Variants in METTL8 observed in about 807,000 individuals in gnomAD.
The protein encoded by METTL8 is tRNA N(3)-cytidine methyltransferase METTL8, mitochondrial.
Under a neutral mutation model 48.7 loss-of-function variants are expected in METTL8, and 32 were observed. That is an observed-to-expected ratio of 0.66 (90% confidence interval 0.50 to 0.88). The LOEUF (loss-of-function observed/expected upper bound fraction) is 0.88. Among genes scored for constraint, METTL8 ranks in the 40% least tolerant of loss-of-function variants. The pLI, the probability that METTL8 is intolerant of heterozygous loss-of-function variation, is 0.00. For missense variants in METTL8, 464 were observed against 474.4 expected (o/e 0.98, Z 0.20); for synonymous variants, 136 against 157.1 (o/e 0.87, Z 1.01).
chr2:171,386,024 C>T (rs1163726833), intron 2 of METTL8, among the ~76,000 whole-genome samples: 3 of 152,160 alleles, frequency 2.0e-5, no homozygotes, highest in Non-Finnish European at 4.4e-5. Context: ...TAGTAACTCC[C>T]AGAAGGATTC....
At chr2:171,356,932 T>C (rs926686350) in intron 3 of METTL8, among the ~76,000 whole-genome samples, 6 of 126,382 alleles carry the variant, frequency 4.7e-5, no homozygotes, top group African/African-American at 1.7e-4. Context: ...GAAGTCAAAT[T>C]AGCCTTGTTC....
intron 1 of METTL8, among the ~76,000 whole-genome samples, chr2:171,429,911 G>A (rs1574267918): frequency 6.6e-6 from 1 of 151,982 alleles, no homozygotes; most frequent in Admixed American, 6.5e-5. Flanking sequence ...GTGGTGGCAT[G>A]TGCCTGTAAT....
intron 2 of METTL8, among the ~76,000 whole-genome samples, chr2:171,360,792 T>C (rs559449954): frequency 1.3e-3 from 199 of 152,306 alleles, no homozygotes; most frequent in Non-Finnish European, 2.3e-3. Flanking sequence ...CACCCTGGTG[T>C]ATGACTATTT....
chr2:171,386,609 C>CAA (rs1468895281), intron 2 of METTL8, among the ~76,000 whole-genome samples: 3 of 152,014 alleles, frequency 2.0e-5, no homozygotes, highest in Non-Finnish European at 4.4e-5. Flanking sequence ...ACAAAAAATA[C>CAA]AAAAATTAGC....
chr2:171,427,900 CA>C (rs1349938737), intron 1 of METTL8, among the ~76,000 whole-genome samples: 11 of 152,150 alleles, frequency 7.2e-5, no homozygotes, highest in African/African-American at 2.4e-4. Flanking sequence ...ACATGTTGAA[CA>C]AATGACTTCC....
chr2:171,375,287 C>T, intron 2 of METTL8: 1 of 841,472 alleles, frequency 1.2e-6, no homozygotes, highest in Non-Finnish European at 2.0e-6. Flanking sequence ...ATCTTGGAGG[C>T]ACGGACCAGA....
At chr2:171,326,279 G>A in intron 7 of METTL8, 131 bp from the exon 8 acceptor site, 84 of 546,640 alleles carry the variant, frequency 1.5e-4, no homozygotes, top group South Asian at 5.9e-4. Context: ...TAAACATAAG[G>A]GTAACAAAAA....
At chr2:171,335,800 G>T (rs1298814777) in intron 5 of METTL8, among the ~76,000 whole-genome samples, 2 of 152,202 alleles carry the variant, frequency 1.3e-5, no homozygotes, top group Non-Finnish European at 1.5e-5. Flanking sequence ...AGACTGAAAG[G>T]AATTAAAACA....
At chr2:171,362,591 A>AATC (rs1386904485) in intron 2 of METTL8, among the ~76,000 whole-genome samples, 22 of 150,728 alleles carry the variant, frequency 1.5e-4, no homozygotes, top group African/African-American at 5.4e-4. Context: ...ATAAATAAAT[A>AATC]AATAAATAAA....
At chr2:171,425,833 A>G (rs1386832172) in intron 1 of METTL8, among the ~76,000 whole-genome samples, 2 of 152,216 alleles carry the variant, frequency 1.3e-5, no homozygotes, top group Non-Finnish European at 2.9e-5. Flanking sequence ...CAGGGATAAG[A>G]ATGTCTATAA....
chr2:171,383,712 A>T (rs1037334581), intron 2 of METTL8, among the ~76,000 whole-genome samples: 2 of 152,238 alleles, frequency 1.3e-5, no homozygotes, highest in African/African-American at 2.4e-5. Context: ...TTTCCAAGTA[A>T]CTGTGTAAGT....
chr2:171,392,228 C>T, intron 1 of METTL8, 31 bp from the exon 2 acceptor site: 1 of 1,528,618 alleles, frequency 6.5e-7, no homozygotes, highest in East Asian at 2.5e-5. Flanking sequence ...AATTAGTCAA[C>T]ATAGATTAAA....
In METTL8 at chr2:171,324,273, C is replaced by G. The variant is rs1173399303; in HGVS notation, c.1123G>C (p.Val375Leu). 15 of 1,551,478 alleles carry G rather than the reference C, an allele frequency of 9.7e-6. No homozygotes were observed. Among genetic ancestry groups the G allele is most frequent in the Non-Finnish European group, 1.3e-5 (15 of 1,146,984 alleles). Reference sequence around the variant, plus strand: ...TGAATCCACACTCGGTGCATTTTCACTTGTTTTTTCCTATTAACTTGTAAG... The same window carrying G: ...TGAATCCACACTCGGTGCATTTTCAGTTGTTTTTTCCTATTAACTTGTAAG... ...RRLQVNRKKQ[V>L]KMHRVWIQGK... Residue 375 changes from valine to leucine, a missense_variant, in exon 10 of 10, where the codon GTG becomes CTG. Physicochemically the swap from Val to Leu is conservative, Grantham distance 32. Coordinates refer to ENST00000375258, the MANE Select transcript of METTL8 (RefSeq NM_001321154.2).
intron 2 of METTL8, among the ~76,000 whole-genome samples, chr2:171,385,385 A>AT (rs1316827702): frequency 6.6e-6 from 1 of 152,168 alleles, no homozygotes; most frequent in Admixed American, 6.6e-5. Context: ...CTATTCTTAA[A>AT]TATAAAGGAG....
Position 171,319,532 on chromosome 2 carries a change from T to G in METTL8, c.*4640A>C, listed in dbSNP as rs995242123. On this transcript the variant is annotated 3_prime_UTR_variant, in exon 10 of 10. Coordinates refer to ENST00000375258, the MANE Select transcript of METTL8 (RefSeq NM_001321154.2). ...AAGAGGGCAGCTATCTGCATATGGG[T>G]GAATTTTCACGTACAAGCTAGAGTA... The G allele has an allele frequency of 6.6e-6, 1 of 152,170 alleles. No homozygotes were observed. Among genetic ancestry groups the G allele is most frequent in the Non-Finnish European group, 1.5e-5 (1 of 68,036 alleles). The allele number at this position is 152,170 out of a possible 1,614,324, so 9.4% of individuals were successfully genotyped here.
chr2:171,421,711 C>A (rs1048693242), intron 1 of METTL8, among the ~76,000 whole-genome samples: 2 of 152,030 alleles, frequency 1.3e-5, no homozygotes, highest in Non-Finnish European at 2.9e-5. Context: ...ATTGAAAATA[C>A]AGTATTTGGA....
rs551241675 is a variant in METTL8, at chr2:171,323,223, T to G, written c.*949A>C. 7.8e-6 allele frequency: 1 copy of G among 128,318 alleles called. No homozygotes were observed. The highest frequency in any genetic ancestry group is 2.4e-4 in the East Asian group (1 of 4,204). 7.9% of individuals were successfully genotyped at this position (128,318 alleles called of 1,614,324 possible). A position where few individuals can be genotyped will look rare whatever the true frequency, so the allele number is the denominator to read the frequency against. Reference sequence around the variant, plus strand: ...TGATACAAGAGCTTGTCAGCTTACATACCTTTTTTTTTTTTTTTTTTTTTT... The same window carrying G: ...TGATACAAGAGCTTGTCAGCTTACAGACCTTTTTTTTTTTTTTTTTTTTTT... On this transcript the variant is annotated 3_prime_UTR_variant, in exon 10 of 10. Coordinates refer to ENST00000375258, the MANE Select transcript of METTL8 (RefSeq NM_001321154.2).
Position 171,356,952 on chromosome 2 carries a change from AT to A in METTL8, c.235+3469del, listed in dbSNP as rs763021449. Among the ~76,000 whole-genome samples the A allele has an allele frequency of 2.3e-4, 18 of 78,488 alleles. 3 individuals carry two copies. Among genetic ancestry groups the A allele is most frequent in the African/African-American group, 7.6e-4 (17 of 22,476 alleles). 51.5% of individuals were successfully genotyped at this position (78,488 alleles called of 152,430 possible). A position where few individuals can be genotyped will look rare whatever the true frequency, so the allele number is the denominator to read the frequency against. ...CAAATTAGCCTTGTTCAAAGACAAT[AT>A]TTTTTTTTTTTTTTTTGAGACAGGG... On this transcript the variant is annotated intron_variant, in intron 3 of 9. Coordinates refer to ENST00000375258, the MANE Select transcript of METTL8 (RefSeq NM_001321154.2).
rs72880548 is a variant in METTL8 at position 171,335,434 on chromosome 2, T to A, written c.656+2019A>T. On this transcript the variant is annotated intron_variant, in intron 5 of 9. Transcript: ENST00000375258. ...CTGAATGTTTTTTAATTAAAAAAAT[T>A]TTTTTTGAGACAGAGTCTCTTGCTC... 1.8e-3 allele frequency among the ~76,000 whole-genome samples: 278 copies of A among 152,238 alleles called. 1 individual carries two copies. The highest frequency in any genetic ancestry group is 3.4e-3 in the Non-Finnish European group (231 of 68,014).
Sources: allele counts gnomAD v4.1 joint callset (sites outside exome capture counted in the v4.1 genomes callset), GRCh38; gene constraint gnomAD v4.1.1; transcripts MANE v1.5; gene names NCBI Gene and HGNC (gene_info 2026-07-23, HGNC 2026-07-21).